IQSEC1: variants seen among roughly 807,000 people sequenced by gnomAD.
IQSEC1 encodes the protein IQ motif and Sec7 domain ArfGEF 1, also known as IQ motif and SEC7 domain-containing protein 1.
IQSEC1 carries 31 observed loss-of-function variants against 91.0 expected under a neutral mutation model. That is an observed-to-expected ratio of 0.34 (90% CI 0.26 to 0.46). IQSEC1 has a LOEUF of 0.46. IQSEC1 is among the 20% of genes least tolerant of loss of function. The pLI, the probability that IQSEC1 is intolerant of heterozygous loss-of-function variation, is 1.00. For synonymous variants in IQSEC1, 699 were observed against 662.6 expected, an observed-to-expected ratio of 1.05 and a Z score of -0.84; for missense variants, 1,388 against 1,575.6, an observed-to-expected ratio of 0.88 and a Z score of 2.02.
At chr3:13,267,896 T>C (rs567680221) in intron 1 of IQSEC1, among the ~76,000 whole-genome samples, 12 of 152,086 alleles carry the variant, frequency 7.9e-5, no homozygotes, top group Admixed American at 2.0e-4. Flanking sequence ...GGATTACAGG[T>C]GTGAACCACC....
At position 12,933,501 on chromosome 3, in the gene IQSEC1, G is replaced by T. The variant is rs143269326; in HGVS notation, c.1568+1947C>A. ...ACAGTAGCAGCTAATACATAGTAAGGCCCTATCCTGTGCCACGTCCTGCTT... is the reference window on the plus strand; with the variant it reads ...ACAGTAGCAGCTAATACATAGTAAGTCCCTATCCTGTGCCACGTCCTGCTT... On this transcript the variant is annotated intron_variant, in intron 3 of 13. Coordinates refer to ENST00000613206, the MANE Select transcript of IQSEC1 (RefSeq NM_001134382.3). 6.6e-5 allele frequency among the ~76,000 whole-genome samples: 10 copies of T among 152,326 alleles called. No homozygotes were observed. The East Asian group carries it at 1.9e-3, about 29-fold the overall frequency.
intron 1 of IQSEC1, among the ~76,000 whole-genome samples, chr3:13,043,814 G>T (rs1160620694): frequency 6.6e-6 from 1 of 152,162 alleles, no homozygotes; most frequent in African/African-American, 2.4e-5. Context: ...GGCCGCTTTG[G>T]GGCCCAGGTT....
chr3:13,165,964 C>G (rs568627566), intron 1 of IQSEC1, among the ~76,000 whole-genome samples: 2 of 152,186 alleles, frequency 1.3e-5, no homozygotes, highest in Non-Finnish European at 2.9e-5. Context: ...AATGACACCA[C>G]AGGCTTATGT....
intron 1 of IQSEC1, among the ~76,000 whole-genome samples, chr3:13,057,273 C>T (rs1320293197): frequency 1.3e-5 from 2 of 152,196 alleles, no homozygotes; most frequent in African/African-American, 4.8e-5. Context: ...TTCACAGCTG[C>T]CCTCCCAGAC....
At chr3:13,133,780 G>A (rs987868630) in intron 2 of IQSEC1, among the ~76,000 whole-genome samples, 1 of 152,254 alleles carries the variant, frequency 6.6e-6, no homozygotes, top group Non-Finnish European at 1.5e-5. Context: ...CAGCCCAACG[G>A]GCAGCACTGA....
At chr3:13,079,961 G>A (rs1705623635) in intron 2 of IQSEC1, among the ~76,000 whole-genome samples, 1 of 152,222 alleles carries the variant, frequency 6.6e-6, no homozygotes, top group Non-Finnish European at 1.5e-5. Flanking sequence ...TGGAGGACAA[G>A]ATGTTGAAAC....
At chr3:13,179,771 G>C (rs973654173) in intron 1 of IQSEC1, among the ~76,000 whole-genome samples, 3 of 152,242 alleles carry the variant, frequency 2.0e-5, no homozygotes, top group African/African-American at 7.2e-5. Context: ...GTGCGGGCGG[G>C]AACCGGGGCT....
chr3:13,148,705 T>TCCCTGCCTCTCCATGCCTGGC (rs1260962367), intron 2 of IQSEC1, among the ~76,000 whole-genome samples: 7 of 152,206 alleles, frequency 4.6e-5, no homozygotes, highest in African/African-American at 1.7e-4. Flanking sequence ...CCAGGCCCTG[T>TCCCTGCCTCTCCATGCCTGGC]CCCTGCCTCT....
chr3:13,117,094 C>G (rs6794490), intron 2 of IQSEC1, among the ~76,000 whole-genome samples: 1 of 150,770 alleles, frequency 6.6e-6, no homozygotes, highest in African/African-American at 2.4e-5. Context: ...TGATAAGGAT[C>G]TAGTATCCAG....
chr3:13,112,501 A>T (rs909057190), intron 2 of IQSEC1, among the ~76,000 whole-genome samples: 1 of 152,204 alleles, frequency 6.6e-6, no homozygotes, highest in African/African-American at 2.4e-5. Flanking sequence ...GTCCGGAAAA[A>T]GCTCTGCCCA....
At chr3:13,104,416 C>T (rs377049235) in intron 2 of IQSEC1, among the ~76,000 whole-genome samples, 4 of 152,182 alleles carry the variant, frequency 2.6e-5, no homozygotes, top group African/African-American at 9.7e-5. Flanking sequence ...TTCCTTTTCA[C>T]CCATCCCTTA....
rs1702751186 is a variant in IQSEC1 at position 13,008,861 on chromosome 3, C to G, written c.23+64131G>C. On this transcript the variant is annotated intron_variant, in intron 1 of 13. Transcript: ENST00000613206. The surrounding 1 kb of genome is among the most constrained non-coding windows in gnomAD (Gnocchi z 4.1). The stretch of plus-strand genomic sequence containing the variant: ...AACCAGACACGCTGGCAAACCCCAT[C>G]CCACGGGCTAGGCTTTCAGTTAACC... Among the ~76,000 whole-genome samples, 1 of 152,234 alleles carries G rather than the reference C, an allele frequency of 6.6e-6. No individual in the cohort carries two copies. The highest frequency in any genetic ancestry group is 1.5e-5 in the Non-Finnish European group (1 of 68,044).
chr3:13,209,991 G>C (rs1282452664), intron 1 of IQSEC1, among the ~76,000 whole-genome samples: 1 of 152,058 alleles, frequency 6.6e-6, no homozygotes, highest in Non-Finnish European at 1.5e-5. Flanking sequence ...AGGCTCAGGA[G>C]TCTCAGCCCA....
At chr3:13,272,312 T>C (rs1416487923) in intron 1 of IQSEC1, among the ~76,000 whole-genome samples, 1 of 152,246 alleles carries the variant, frequency 6.6e-6, no homozygotes, top group Non-Finnish European at 1.5e-5. Flanking sequence ...TCAAGGTTGC[T>C]ATTATTGCTC....
At chr3:13,128,603 C>T (rs1292956713) in intron 2 of IQSEC1, among the ~76,000 whole-genome samples, 4 of 152,266 alleles carry the variant, frequency 2.6e-5, no homozygotes, top group East Asian at 1.9e-4. Flanking sequence ...CAGTGGCTCA[C>T]GCCTGTAATC....
intron 2 of IQSEC1, among the ~76,000 whole-genome samples, chr3:13,131,037 A>AAGGAAGGAAGGAAAGGAAGGAAGG (rs144089637): frequency 6.0e-4 from 86 of 143,892 alleles, no homozygotes; most frequent in African/African-American, 2.0e-3. Flanking sequence ...GGAAGGAAGG[A>AAGGAAGGAAGGAAAGGAAGGAAGG]AAGGAAGGAA....
At chr3:13,248,373 C>T (rs1449761447) in intron 1 of IQSEC1, among the ~76,000 whole-genome samples, 2 of 152,218 alleles carry the variant, frequency 1.3e-5, no homozygotes, top group Non-Finnish European at 2.9e-5. Flanking sequence ...GGCCTCATCC[C>T]CACCTCCCAC....
Position 13,008,800 on chromosome 3 carries a change from C to T in IQSEC1, c.23+64192G>A, listed in dbSNP as rs886552051. On this transcript the variant is annotated intron_variant, in intron 1 of 13. Transcript: ENST00000613206. The surrounding 1 kb of genome is among the most constrained non-coding windows in gnomAD (Gnocchi z 4.1). ...TCCGGCTCCAGGGCAGAAAGGGGAG[C>T]TCACAGAGGAGGGGATATCCAGCTA... 6.6e-6 allele frequency among the ~76,000 whole-genome samples: 1 copy of T among 152,200 alleles called. No homozygotes were observed. The highest frequency in any genetic ancestry group is 2.1e-4 in the South Asian group (1 of 4,832).
In IQSEC1 at chr3:13,259,847, G is replaced by C. The variant is rs954273834; in HGVS notation, c.272+22864C>G. On this transcript the variant is annotated intron_variant, in intron 1 of 15. Coordinates refer to the IQSEC1 transcript ENST00000648114. This position sits in a 1 kb window ranked among gnomAD's most constrained non-coding sequence, Gnocchi z 4.6. ...GTCAACGGGGCTTGCTTGTTGTGGC[G>C]CTCAGCGGGAGAAGTTTCTACCATA... Among the ~76,000 whole-genome samples the C allele has an allele frequency of 2.0e-5, 3 of 152,232 alleles. No homozygotes were observed. The highest frequency in any genetic ancestry group is 1.3e-4 in the Admixed American group (2 of 15,292).
Sources: gnomAD v4.1 joint callset for allele counts (sites outside exome capture counted in the v4.1 genomes callset) on GRCh38, gnomAD v4.1.1 for gene constraint, Gnocchi (gnomAD v3.1) non-coding constraint, MANE v1.5 for transcripts, NCBI Gene and HGNC (gene_info 2026-07-23, HGNC 2026-07-21) for gene names.